Variants in CCDC102B observed in about 807,000 individuals in gnomAD.
The protein encoded by CCDC102B is coiled-coil domain-containing protein 102B.
CCDC102B carries 75 observed loss-of-function variants against 57.4 expected under a neutral mutation model. That is an observed-to-expected ratio of 1.31 (90% confidence interval 1.08 to 1.58). The LOEUF (loss-of-function observed/expected upper bound fraction) is 1.58, where lower values mean the gene tolerates loss of function less well. Ranked by LOEUF, CCDC102B falls within the 40% of genes most tolerant of loss-of-function variation. The pLI, the probability that CCDC102B is intolerant of heterozygous loss-of-function variation, is 0.00. For synonymous variants in CCDC102B, 206 were observed against 201.9 expected, an observed-to-expected ratio of 1.02 and a Z score of -0.17; for missense variants, 636 against 582.6, an observed-to-expected ratio of 1.09 and a Z score of -0.94.
At chr18:68,805,128 G>A (rs1227001282) in intron 1 of CCDC102B, among the ~76,000 whole-genome samples, 1 of 152,140 alleles carries the variant, frequency 6.6e-6, no homozygotes, top group Non-Finnish European at 1.5e-5. Context: ...CCAGTGGATG[G>A]CAGTTGTCTT....
intron 6 of CCDC102B, 135 bp from the exon 7 acceptor site, chr18:69,010,799 A>G (rs2051494480): frequency 5.1e-6 from 3 of 583,978 alleles, no homozygotes; most frequent in Non-Finnish European, 8.8e-6. Context: ...ACAGAAATGT[A>G]GAATTGCAAA....
chr18:68,950,878 G>T (rs576275472), intron 6 of CCDC102B, among the ~76,000 whole-genome samples: 2 of 151,968 alleles, frequency 1.3e-5, no homozygotes, highest in African/African-American at 4.8e-5. Flanking sequence ...AGAATTAAAC[G>T]TGACAATGAC....
At position 68,955,629 on chromosome 18, in the gene CCDC102B, TG is replaced by T. The variant is rs200213315; in HGVS notation, c.1264-55304del. 6.2e-4 allele frequency among the ~76,000 whole-genome samples: 94 copies of T among 150,956 alleles called. 1 individual carries two copies. Among genetic ancestry groups the T allele is most frequent in the South Asian group, 1.5e-3 (7 of 4,786 alleles). On this transcript the variant is annotated intron_variant, in intron 6 of 7. Coordinates refer to ENST00000360242, the MANE Select transcript of CCDC102B (RefSeq NM_024781.3). ...TAAATTTCTTCACCTTTTCCTTTTTTGTTTTTTTGCTTTAATTACCATCTGG... is the reference window on the plus strand; with the variant it reads ...TAAATTTCTTCACCTTTTCCTTTTTTTTTTTTTGCTTTAATTACCATCTGG...
At chr18:68,852,534 C>T (rs558153465) in intron 4 of CCDC102B, among the ~76,000 whole-genome samples, 1 of 152,228 alleles carries the variant, frequency 6.6e-6, no homozygotes, top group East Asian at 1.9e-4. Flanking sequence ...TTCCTACACA[C>T]CATTTCATTC....
Position 69,011,003 on chromosome 18 carries a change from A to C in CCDC102B, c.1333A>C (p.Thr445Pro), listed in dbSNP as rs1273746290. ...ATACCAGGCAAATATTGCAGAACTG[A>C]CTCATGCAAACAACCGAGTGGATCA... ...RQYQANIAEL[T>P]HANNRVDQNE... The change falls in exon 7 of 8, where the codon ACT (threonine) becomes CCT (proline). Residue 445 changes from threonine to proline, a missense_variant. Transcript: ENST00000360242. 6.2e-7 allele frequency: 1 copy of C among 1,613,864 alleles called. No individual in the cohort carries two copies. The highest frequency in any genetic ancestry group is 8.5e-7 in the Non-Finnish European group (1 of 1,179,916).
chr18:68,945,422 C>T (rs1256775881), intron 6 of CCDC102B, among the ~76,000 whole-genome samples: 1 of 151,930 alleles, frequency 6.6e-6, no homozygotes, highest in Non-Finnish European at 1.5e-5. Flanking sequence ...CCATGAGCAG[C>T]TCAAAAATTT....
chr18:68,728,945 TAA>T, intron 2 of CCDC102B, among the ~76,000 whole-genome samples: 1 of 151,958 alleles, frequency 6.6e-6, no homozygotes, highest in African/African-American at 2.4e-5. Context: ...GATTTTTTTT[TAA>T]AAAAGTTCAT....
At chr18:68,748,694 A>G (rs2033725786) in intron 2 of CCDC102B, among the ~76,000 whole-genome samples, 1 of 152,148 alleles carries the variant, frequency 6.6e-6, no homozygotes, top group African/African-American at 2.4e-5. Context: ...GCTATTTAAT[A>G]TGTAGTAAGA....
intron 6 of CCDC102B, among the ~76,000 whole-genome samples, chr18:68,956,673 T>A (rs1043610042): frequency 1.4e-5 from 2 of 139,678 alleles, no homozygotes; most frequent in African/African-American, 2.7e-5. Context: ...CATACGGTAG[T>A]TGTATTTATA....
At chr18:68,942,360 A>G (rs1302769744) in intron 6 of CCDC102B, among the ~76,000 whole-genome samples, 2 of 152,092 alleles carry the variant, frequency 1.3e-5, no homozygotes, top group African/African-American at 4.8e-5. Context: ...CACAAAGTAT[A>G]GAGAAAGAAA....
chr18:68,968,628 T>G (rs2145252067), intron 6 of CCDC102B, among the ~76,000 whole-genome samples: 1 of 152,306 alleles, frequency 6.6e-6, no homozygotes, highest in South Asian at 2.1e-4. Context: ...AGGCATTATC[T>G]TATGTAGCAC....
rs1286520360 is a variant in CCDC102B at position 68,874,699 on chromosome 18, G to A, written c.967G>A (p.Glu323Lys). Reference protein sequence around the residue: ...FDILLGQHNDEMQELSGNIKE... With the variant: ...FDILLGQHNDKMQELSGNIKE... The stretch of plus-strand genomic sequence containing the variant: ...CATTCTTCTTGGTCAACATAATGAT[G>A]AAATGCAAGAACTGTCAGGCAATAT... Residue 323 changes from glutamate (E) to lysine (K), a missense_variant, in exon 5 of 8, where the codon GAA (glutamate) becomes AAA (lysine). Coordinates refer to ENST00000360242, the MANE Select transcript of CCDC102B (RefSeq NM_024781.3). 6.2e-7 allele frequency: 1 copy of A among 1,611,190 alleles called. No homozygotes were observed. The highest frequency in any genetic ancestry group is 1.1e-5 in the South Asian group (1 of 90,954).
chr18:68,924,487 CTG>C (rs1290880746), intron 6 of CCDC102B, among the ~76,000 whole-genome samples: 1 of 152,086 alleles, frequency 6.6e-6, no homozygotes, highest in African/African-American at 2.4e-5. Flanking sequence ...CTATGCTGAA[CTG>C]TGAGTCAATT....
chr18:68,811,996 A>C (rs1190039644), intron 1 of CCDC102B, among the ~76,000 whole-genome samples: 1 of 152,192 alleles, frequency 6.6e-6, no homozygotes. Context: ...AAAGTATAAG[A>C]TTCTCCTACC....
chr18:68,783,674 A>G (rs1329535483), intron 2 of CCDC102B, among the ~76,000 whole-genome samples: 1 of 152,176 alleles, frequency 6.6e-6, no homozygotes, highest in Non-Finnish European at 1.5e-5. Flanking sequence ...CCCTGTCATC[A>G]GTTCCCATAT....
At chr18:68,824,573 G>A (rs942381542) in intron 1 of CCDC102B, among the ~76,000 whole-genome samples, 2 of 152,124 alleles carry the variant, frequency 1.3e-5, no homozygotes, top group South Asian at 2.1e-4. Context: ...GGGCATCCTC[G>A]TCTTGTTCCA....
chr18:68,840,501 A>G (rs1344296115), intron 3 of CCDC102B, among the ~76,000 whole-genome samples: 2 of 152,218 alleles, frequency 1.3e-5, no homozygotes, highest in African/African-American at 4.8e-5. Flanking sequence ...TACAGAATAA[A>G]TATTTATTAC....
chr18:68,823,473 ATTCCATG>A (rs2036776704), intron 1 of CCDC102B: 1 of 152,188 alleles, frequency 6.6e-6, no homozygotes, highest in Non-Finnish European at 1.5e-5. Context: ...ACCTAGGTTG[ATTCCATG>A]TCTTTGCTAT....
intron 2 of CCDC102B, chr18:68,753,692 G>A (rs1192432352): frequency 6.6e-6 from 1 of 151,720 alleles, no homozygotes; most frequent in Non-Finnish European, 1.5e-5. Flanking sequence ...GCTAGGACCA[G>A]AGGGTATGCC....
Sources: allele counts gnomAD v4.1 joint callset (sites outside exome capture counted in the v4.1 genomes callset), GRCh38; gene constraint gnomAD v4.1.1; transcripts MANE v1.5; gene names NCBI Gene and HGNC (gene_info 2026-07-23, HGNC 2026-07-21).